Variants in CARS1 observed in about 807,000 individuals in gnomAD.
The protein encoded by CARS1 is cysteinyl-tRNA synthetase 1, also known as cysteine--tRNA ligase, cytoplasmic.
In CARS1, 48 loss-of-function variants were observed where a neutral mutation model predicts 106.2. The observed-to-expected ratio is 0.45, with a 90% CI of 0.36 to 0.57. The LOEUF (loss-of-function observed/expected upper bound fraction) is 0.57, where lower values mean the gene tolerates loss of function less well. CARS1 is among the 20% of genes least tolerant of loss of function. The pLI, the probability that CARS1 is intolerant of heterozygous loss-of-function variation, is 0.00. For missense variants in CARS1, 968 were observed against 1,057.2 expected (o/e 0.92, Z 1.17); for synonymous variants, 409 against 403.4 (o/e 1.01, Z -0.17).
chr11:3,041,790 A>T lies in CARS1; in HGVS notation c.366+375T>A, dbSNP rs1252297191. Among the ~76,000 whole-genome samples the T allele has an allele frequency of 6.6e-5, 10 of 151,518 alleles. No individual in the cohort carries two copies. Among genetic ancestry groups the T allele is most frequent in the Admixed American group, 6.5e-4 (10 of 15,272 alleles). On this transcript the variant is annotated intron_variant, in intron 3 of 22. Transcript: ENST00000380525. The surrounding 1 kb of genome is among the most constrained non-coding windows in gnomAD (Gnocchi z 4.9). ...ATCCAGCCAGTTTGCCGTTTTGTCC[A>T]TCCTGCTTGGCTCATACAGTGCCAC... is the stretch of plus-strand genomic sequence containing the variant.
Position 3,040,683 on chromosome 11 carries a change from T to G in CARS1, c.455+213A>C. The G allele has an allele frequency of 1.4e-6, 1 of 696,704 alleles. No individual in the cohort carries two copies. Among genetic ancestry groups the G allele is most frequent in the Non-Finnish European group, 2.6e-6 (1 of 385,218 alleles). 43.2% of individuals were successfully genotyped at this position (696,704 alleles called of 1,614,324 possible). A position where few individuals can be genotyped will look rare whatever the true frequency, so the allele number is the denominator to read the frequency against. ...TATGGACATTTTCTTTTTGGTGATC[T>G]GTAGTCTTTCTGCAGTGAATATAGA... On this transcript the variant is annotated intron_variant, in intron 4 of 22. Coordinates refer to ENST00000380525, the MANE Select transcript of CARS1 (RefSeq NM_001014437.3). This position sits in a 1 kb window ranked among gnomAD's most constrained non-coding sequence, Gnocchi z 5.8.
Position 3,053,103 on chromosome 11 carries a change from G to A in CARS1, c.25+4240C>T, listed in dbSNP as rs180993380. Among the ~76,000 whole-genome samples the A allele has an allele frequency of 1.5e-4, 23 of 152,316 alleles. No homozygotes were observed. The highest frequency in any genetic ancestry group is 5.5e-4 in the African/African-American group (23 of 41,568). On this transcript the variant is annotated intron_variant, in intron 1 of 22. Coordinates refer to ENST00000380525, the MANE Select transcript of CARS1 (RefSeq NM_001014437.3). This position sits in a 1 kb window ranked among gnomAD's most constrained non-coding sequence, Gnocchi z 6.6. ...AAGTACCAAGCAATTGCTCAGCACA[G>A]ATACCAAAACAAAGCCACACCAAAT...
At chr11:3,016,803 G>A (rs189356296) in intron 16 of CARS1, among the ~76,000 whole-genome samples, 4 of 152,168 alleles carry the variant, frequency 2.6e-5, no homozygotes, top group South Asian at 2.1e-4. Context: ...TTATAGACCC[G>A]GGATCTCACT....
chr11:3,006,740 G>A (rs1161980772), intron 19 of CARS1, 139 bp downstream of exon 19: 9 of 760,548 alleles, frequency 1.2e-5, no homozygotes, highest in Non-Finnish European at 2.1e-5. Flanking sequence ...ATGGCGCCGG[G>A]GGACCCATGG....
At position 3,040,775 on chromosome 11, in the gene CARS1, C is replaced by G. The variant is rs1339845127; in HGVS notation, c.455+121G>C. On this transcript the variant is annotated intron_variant, in intron 4 of 22. Transcript: ENST00000380525. The surrounding 1 kb of genome is among the most constrained non-coding windows in gnomAD (Gnocchi z 5.8). ...GAAATTCAGTCTTGATTCCTCAAATCTCAGGTCTCTGTAGCAGATCTAAGA... is the reference window on the plus strand; with the variant it reads ...GAAATTCAGTCTTGATTCCTCAAATGTCAGGTCTCTGTAGCAGATCTAAGA... 4 of 1,019,654 alleles carry G rather than the reference C, an allele frequency of 3.9e-6. No homozygotes were observed. The highest frequency in any genetic ancestry group is 4.9e-5 in the East Asian group (2 of 41,162). 63.2% of individuals were successfully genotyped at this position (1,019,654 alleles called of 1,614,324 possible).
In CARS1 at chr11:3,050,665, A is replaced by C. The variant is rs1241458620; in HGVS notation, c.26-2664T>G. Among the ~76,000 whole-genome samples, 1 of 151,834 alleles carries C rather than the reference A, an allele frequency of 6.6e-6. No individual in the cohort carries two copies. Among genetic ancestry groups the C allele is most frequent in the Non-Finnish European group, 1.5e-5 (1 of 67,916 alleles). On this transcript the variant is annotated intron_variant, in intron 1 of 22. Transcript: ENST00000380525. The surrounding 1 kb of genome is among the most constrained non-coding windows in gnomAD (Gnocchi z 6.3). ...GTCCTCATGCTGGCCATGGGCCCCCACCTGACTCACAATACCCTAGTCACA... is the reference window on the plus strand; with the variant it reads ...GTCCTCATGCTGGCCATGGGCCCCCCCCTGACTCACAATACCCTAGTCACA...
At chr11:3,054,805 G>GA (rs1227615196) in intron 1 of CARS1, 12 of 695,538 alleles carry the variant, frequency 1.7e-5, no homozygotes, top group South Asian at 1.5e-5. Context: ...GACTCATGCT[G>GA]AAAAAATGCT....
At chr11:3,009,749 C>T (rs1016096307) in intron 18 of CARS1, among the ~76,000 whole-genome samples, 3 of 152,200 alleles carry the variant, frequency 2.0e-5, no homozygotes, top group Non-Finnish European at 2.9e-5. Flanking sequence ...CCAGGGGAAA[C>T]AGTTTCTTTT....
Position 3,037,920 on chromosome 11 carries a change from G to T in CARS1, c.801+130C>A. The T allele has an allele frequency of 1.1e-6, 1 of 910,752 alleles. No homozygotes were observed. Among genetic ancestry groups the T allele is most frequent in the Non-Finnish European group, 1.6e-6 (1 of 609,272 alleles). 56.4% of individuals were successfully genotyped at this position (910,752 alleles called of 1,614,324 possible). The stretch of plus-strand genomic sequence containing the variant: ...GCAGAACAGGGCCGCCTGCCACAGT[G>T]GAGCTACTGGAGACACAGAGTGTCT... On this transcript the variant is annotated intron_variant, in intron 7 of 22. Coordinates refer to ENST00000380525, the MANE Select transcript of CARS1 (RefSeq NM_001014437.3). The surrounding 1 kb of genome is among the most constrained non-coding windows in gnomAD (Gnocchi z 5.9).
At chr11:3,005,760 G>C (rs1376514390) in intron 19 of CARS1, among the ~76,000 whole-genome samples, 2 of 151,566 alleles carry the variant, frequency 1.3e-5, no homozygotes, top group African/African-American at 2.4e-5. Flanking sequence ...AGCTGCCCAA[G>C]GAGCCCACAC....
chr11:3,056,401 C>T (rs147490883), intron 1 of CARS1, among the ~76,000 whole-genome samples: 146 of 152,330 alleles, frequency 9.6e-4, no homozygotes, highest in African/African-American at 3.4e-3. Context: ...CTTGCCTTTC[C>T]AGCACCTAAA....
chr11:3,031,426 T>G (rs142336253), intron 7 of CARS1: 9 of 152,134 alleles, frequency 5.9e-5, no homozygotes, highest in African/African-American at 1.9e-4. Context: ...TTTCTAAAAC[T>G]TGCCTGATGA....
intron 18 of CARS1, among the ~76,000 whole-genome samples, chr11:3,011,831 C>A (rs926001761): frequency 6.6e-6 from 1 of 152,226 alleles, no homozygotes; most frequent in Admixed American, 6.5e-5. Flanking sequence ...CCAGTGTGAG[C>A]CAAATGGCAG....
At position 3,037,462 on chromosome 11, in the gene CARS1, G is replaced by A. The variant is rs1178552459; in HGVS notation, c.801+588C>T. Among the ~76,000 whole-genome samples the A allele has an allele frequency of 6.6e-6, 1 of 152,224 alleles. No homozygotes were observed. Among genetic ancestry groups the A allele is most frequent in the African/African-American group, 2.4e-5 (1 of 41,462 alleles). On this transcript the variant is annotated intron_variant, in intron 7 of 22. Transcript: ENST00000380525. This position sits in a 1 kb window ranked among gnomAD's most constrained non-coding sequence, Gnocchi z 5.9. ...TCGAGTTCTTAAAGGGTGACCAGCA[G>A]GCGGCGCTGGCACAAAGGAGAAGGC...
At position 3,053,392 on chromosome 11, in the gene CARS1, A is replaced by C. The variant is rs964412547; in HGVS notation, c.25+3951T>G. Among the ~76,000 whole-genome samples the C allele has an allele frequency of 1.3e-5, 2 of 151,654 alleles. No individual in the cohort carries two copies. Among genetic ancestry groups the C allele is most frequent in the Admixed American group, 6.6e-5 (1 of 15,232 alleles). On this transcript the variant is annotated intron_variant, in intron 1 of 22. Coordinates refer to ENST00000380525, the MANE Select transcript of CARS1 (RefSeq NM_001014437.3). This position sits in a 1 kb window ranked among gnomAD's most constrained non-coding sequence, Gnocchi z 6.6. ...ATTACAGGTGCCCGCCACCATGCCCAGCTAATTTTTGTATTTTTAGTAGAG... is the reference window on the plus strand; with the variant it reads ...ATTACAGGTGCCCGCCACCATGCCCCGCTAATTTTTGTATTTTTAGTAGAG...
intron 10 of CARS1, among the ~76,000 whole-genome samples, chr11:3,024,408 C>A (rs1232887280): frequency 6.6e-6 from 1 of 151,942 alleles, no homozygotes; most frequent in African/African-American, 2.4e-5. Context: ...TTTAGACGTC[C>A]GTCCTGTCAG....
In CARS1 at chr11:3,047,127, A is replaced by AT. The variant is rs532584531; in HGVS notation, c.274+625dup. On this transcript the variant is annotated intron_variant, in intron 2 of 22. Coordinates refer to ENST00000380525, the MANE Select transcript of CARS1 (RefSeq NM_001014437.3). ...CCCGTCTCTACTAAAAATACAAAAA[A>AT]TTAGCCAGGCATGGTGGTGGGCGCC... Among the ~76,000 whole-genome samples the AT allele has an allele frequency of 7.4e-4, 113 of 152,108 alleles. No homozygotes were observed. In the East Asian group the frequency reaches 0.012, roughly 16 times the overall value.
At chr11:3,013,160 CT>C (rs1211052217) in intron 17 of CARS1, among the ~76,000 whole-genome samples, 67 of 142,570 alleles carry the variant, frequency 4.7e-4, no homozygotes, top group Admixed American at 5.6e-4. Flanking sequence ...AGCATTTCCC[CT>C]TTTTTTTTTT....
chr11:3,002,103 C>G, intron 21 of CARS1, 50 bp from the exon 22 acceptor site: 1 of 1,265,540 alleles, frequency 7.9e-7, no homozygotes, highest in Non-Finnish European at 1.2e-6. Flanking sequence ...GCACCTGGGG[C>G]TCCGCACTGT....
Sources: allele counts gnomAD v4.1 joint callset (sites outside exome capture counted in the v4.1 genomes callset), GRCh38; gene constraint gnomAD v4.1.1; non-coding constraint Gnocchi (gnomAD v3.1); transcripts MANE v1.5; gene names NCBI Gene and HGNC (gene_info 2026-07-23, HGNC 2026-07-21).